The following MYRFL variants were observed in gnomAD, a reference collection of about 807,000 sequenced individuals.
The protein encoded by MYRFL is myelin regulatory factor-like protein.
MYRFL carries 88 observed loss-of-function variants against 109.4 expected under a neutral mutation model. The ratio of observed to expected loss-of-function variants is 0.80; its 90% CI spans 0.68 to 0.96. The LOEUF is 0.96. MYRFL is among the 40% of genes least tolerant of loss of function. The probability of loss-of-function intolerance (pLI) is 0.00; values close to 1 mark genes in which losing one functional copy is unlikely to be tolerated. For missense variants in MYRFL, 957 were observed against 954.9 expected, an observed-to-expected ratio of 1.00 and a Z score of -0.03; for synonymous variants, 324 against 320.9, an observed-to-expected ratio of 1.01 and a Z score of -0.10.
At chr12:69,922,132 T>C (rs952124917) in intron 13 of MYRFL, among the ~76,000 whole-genome samples, 2 of 151,976 alleles carry the variant, frequency 1.3e-5, no homozygotes, top group Non-Finnish European at 2.9e-5. Context: ...GTGAGCAGGG[T>C]GCAGGGAGGG....
chr12:69,916,477 A>T (rs140958126), intron 13 of MYRFL, among the ~76,000 whole-genome samples: 112 of 152,290 alleles, frequency 7.4e-4, no homozygotes, highest in Non-Finnish European at 1.4e-3. Context: ...AACACTCAGT[A>T]CTATTTTTCT....
rs567177251 is a variant in MYRFL at position 69,943,925 on chromosome 12, A to C, written c.2224+7293A>C. Among the ~76,000 whole-genome samples, 29 of 151,652 alleles carry C rather than the reference A, an allele frequency of 1.9e-4. No individual in the cohort carries two copies. The East Asian group carries it at 5.5e-3, about 29-fold the overall frequency. On this transcript the variant is annotated intron_variant, in intron 19 of 24. Coordinates refer to ENST00000552032, the MANE Select transcript of MYRFL (RefSeq NM_182530.3). ...AGACATTTATGCAGCCAAAAAACAC[A>C]TGAAAAAATGCTCATCATCACTGGC...
chr12:69,837,024 G>C (rs1380401450), intron 1 of MYRFL, among the ~76,000 whole-genome samples: 1 of 151,756 alleles, frequency 6.6e-6, no homozygotes, highest in Non-Finnish European at 1.5e-5. Flanking sequence ...CCATCAACTT[G>C]TTGGTCCTTC....
At chr12:69,934,430 G>A (rs1955381114) in intron 16 of MYRFL, among the ~76,000 whole-genome samples, 1 of 152,198 alleles carries the variant, frequency 6.6e-6, no homozygotes, top group African/African-American at 2.4e-5. Context: ...TTTTAGCTCT[G>A]CCATCTGCAG....
At chr12:69,844,194 GT>G (rs1430101051) in intron 1 of MYRFL, among the ~76,000 whole-genome samples, 1 of 152,204 alleles carries the variant, frequency 6.6e-6, no homozygotes, top group African/African-American at 2.4e-5. Context: ...GAGGAAGCCA[GT>G]TACTGCAGGG....
intron 1 of MYRFL, among the ~76,000 whole-genome samples, chr12:69,848,133 T>A (rs2136319395): frequency 1.3e-5 from 2 of 152,236 alleles, no homozygotes; most frequent in South Asian, 4.2e-4. Context: ...CTCATAAGTA[T>A]GTTTGGGTTT....
At chr12:69,943,083 A>G (rs1592883320) in intron 19 of MYRFL, among the ~76,000 whole-genome samples, 1 of 151,706 alleles carries the variant, frequency 6.6e-6, no homozygotes, top group Admixed American at 6.5e-5. Context: ...GGAAGAATCA[A>G]TATCATGAAA....
At chr12:69,952,930 A>G in intron 21 of MYRFL, 44 bp downstream of exon 21, 1 of 1,381,850 alleles carries the variant, frequency 7.2e-7, no homozygotes, top group Admixed American at 2.2e-5. Flanking sequence ...TCTGGAATTT[A>G]CCCATGGCTC....
intron 1 of MYRFL, among the ~76,000 whole-genome samples, chr12:69,836,296 C>T (rs1260771085): frequency 2.0e-5 from 3 of 152,072 alleles, no homozygotes; most frequent in Non-Finnish European, 4.4e-5. Context: ...GCTGGGGTCT[C>T]GGGTTTTTAT....
chr12:69,927,845 A>G (rs1013676601), intron 15 of MYRFL, 97 bp downstream of exon 15: 2 of 1,113,230 alleles, frequency 1.8e-6, no homozygotes, highest in Non-Finnish European at 1.3e-6. Context: ...TTCTTTGTTC[A>G]GAAAATCCCT....
chr12:69,849,081 A>G, intron 1 of MYRFL, among the ~76,000 whole-genome samples: 1 of 151,782 alleles, frequency 6.6e-6, no homozygotes, highest in East Asian at 1.9e-4. Flanking sequence ...CATGTTTGCC[A>G]GGCTGGTTTC....
intron 13 of MYRFL, among the ~76,000 whole-genome samples, chr12:69,920,129 A>T (rs891518914): frequency 6.6e-6 from 1 of 152,118 alleles, no homozygotes; most frequent in Non-Finnish European, 1.5e-5. Context: ...AGGGAACTCA[A>T]GGGCTTTCAT....
At chr12:69,874,415 C>A (rs1885535293) in intron 2 of MYRFL, among the ~76,000 whole-genome samples, 1 of 152,176 alleles carries the variant, frequency 6.6e-6, no homozygotes, top group Admixed American at 6.5e-5. Context: ...TGGTCTTAAG[C>A]AACTCTTCTC....
chr12:69,900,043 A>G (rs1006838916), intron 10 of MYRFL, among the ~76,000 whole-genome samples: 2 of 152,034 alleles, frequency 1.3e-5, no homozygotes, highest in African/African-American at 4.8e-5. Flanking sequence ...AGCAGGAGGG[A>G]TGATTACTTT....
intron 13 of MYRFL, among the ~76,000 whole-genome samples, chr12:69,916,686 T>TA (rs1349330205): frequency 6.6e-6 from 1 of 152,174 alleles, no homozygotes; most frequent in Non-Finnish European, 1.5e-5. Flanking sequence ...TACAGACTGT[T>TA]ATAACCCCTC....
chr12:69,926,690 G>A lies in MYRFL; in HGVS notation c.1722G>A (p.Arg574=). The change falls in exon 14 of 25, where the codon CGG becomes CGA. Residue 574 remains arginine, a synonymous_variant. Transcript: ENST00000552032. ...ACAGAAAGCTGGCCCGGCTAAAGCG[G>A]CTCAGTAGTTGGAAGTCATCAGCCA... ...IWNRKLARLK[R]LSSWKSSASE... 1.3e-6 allele frequency: 2 copies of A among 1,518,062 alleles called. No homozygotes were observed. The highest frequency in any genetic ancestry group is 1.2e-5 in the South Asian group (1 of 80,704). The allele number at this position is 1,518,062 out of a possible 1,614,324, so 94.0% of individuals were successfully genotyped here.
chr12:69,830,092 T>C (rs1324442248), intron 1 of MYRFL, among the ~76,000 whole-genome samples: 1 of 152,096 alleles, frequency 6.6e-6, no homozygotes, highest in Non-Finnish European at 1.5e-5. Flanking sequence ...AACACCACCT[T>C]ACACCTCTGT....
At chr12:69,888,659 C>T (rs1886605564) in intron 6 of MYRFL, among the ~76,000 whole-genome samples, 1 of 152,122 alleles carries the variant, frequency 6.6e-6, no homozygotes. Context: ...ATTATTGCTG[C>T]CCTAAATTTC....
chr12:69,831,095 G>C (rs1416426063), intron 1 of MYRFL, among the ~76,000 whole-genome samples: 1 of 152,062 alleles, frequency 6.6e-6, no homozygotes, highest in East Asian at 1.9e-4. Flanking sequence ...TGTGTATCTT[G>C]TGTGCTTTTT....
Sources: allele counts gnomAD v4.1 joint callset (sites outside exome capture counted in the v4.1 genomes callset), GRCh38; gene constraint gnomAD v4.1.1; transcripts MANE v1.5; gene names NCBI Gene and HGNC (gene_info 2026-07-23, HGNC 2026-07-21).